Variants in RPN1 observed in about 807,000 individuals in gnomAD.
RPN1 encodes the protein dolichyl-diphosphooligosaccharide--protein glycosyltransferase subunit 1.
RPN1 carries 12 observed loss-of-function variants against 55.5 expected under a neutral mutation model. The ratio of observed to expected loss-of-function variants is 0.22; its 90% CI spans 0.14 to 0.35. The LOEUF is 0.35. Ranked by LOEUF, RPN1 falls within the 10% of genes least tolerant of loss-of-function variation. The pLI is 1.00. For missense variants in RPN1, 679 were observed against 761.3 expected (o/e 0.89, Z 1.27); for synonymous variants, 317 against 305.9 (o/e 1.04, Z -0.38).
rs751818295 is a variant in RPN1, at chr3:128,637,922, T to C, written c.510A>G (p.Thr170=). The C allele has an allele frequency of 3.1e-6, 5 of 1,614,256 alleles. No homozygotes were observed. The East Asian group carries it at 8.9e-5, about 29-fold the overall frequency. Residue 170 remains threonine (T), a synonymous_variant, in exon 3 of 10, where the codon ACA becomes ACG. Coordinates refer to ENST00000296255, the MANE Select transcript of RPN1 (RefSeq NM_002950.4). The part of the protein sequence containing the change: ...HYFYSPYPTK[T]QTMRVKLASR... ...AGGCAAGCTTCACACGCATGGTTTG[T>C]GTCTTCGTTGGATAGGGAGAGTAGA...
At chr3:128,648,440 A>C (rs1303526910) in intron 1 of RPN1, among the ~76,000 whole-genome samples, 2 of 151,904 alleles carry the variant, frequency 1.3e-5, no homozygotes, top group Non-Finnish European at 2.9e-5. Flanking sequence ...ATGCACCTGT[A>C]ATCCCAGTTA....
At chr3:128,630,977 G>A (rs1286152088) in intron 4 of RPN1, among the ~76,000 whole-genome samples, 1 of 151,908 alleles carries the variant, frequency 6.6e-6, no homozygotes, top group Admixed American at 6.6e-5. Context: ...GCTGGGCATG[G>A]TGGCGGGCGC....
At chr3:128,636,227 G>A (rs149227575) in intron 3 of RPN1, among the ~76,000 whole-genome samples, 10,831 of 152,118 alleles carry the variant, frequency 0.071, 494 homozygotes, top group Middle Eastern at 0.13. Flanking sequence ...TTGGGAGGCC[G>A]AGGCAGGCGG....
chr3:128,630,019 A>C lies in RPN1; in HGVS notation c.968T>G (p.Phe323Cys). 6.2e-7 allele frequency: 1 copy of C among 1,613,884 alleles called. No individual in the cohort carries two copies. The highest frequency in any genetic ancestry group is 8.5e-7 in the Non-Finnish European group (1 of 1,179,760). ...EMEIRPRFPLFGGWKTHYIVG... is the reference protein window; with the variant it reads ...EMEIRPRFPLCGGWKTHYIVG... ...GATGTAATGGGTCTTCCACCCGCCA[A>C]AGAGAGGGAAGCGAGGCCGGATTTC... Residue 323 changes from phenylalanine (F) to cysteine (C), a missense_variant, in exon 5 of 10, where the codon TTT becomes TGT. By Grantham distance (205) the Phe-to-Cys change is radical. Transcript: ENST00000296255.
At chr3:128,631,667 A>AGGAGGC (rs2069643015) in intron 4 of RPN1, among the ~76,000 whole-genome samples, 1 of 151,886 alleles carries the variant, frequency 6.6e-6, no homozygotes. Context: ...ACTTGAACCC[A>AGGAGGC]GGAGGCGGAG....
chr3:128,641,386 G>C (rs969700830), intron 2 of RPN1, among the ~76,000 whole-genome samples: 2 of 151,970 alleles, frequency 1.3e-5, no homozygotes, highest in African/African-American at 2.4e-5. Flanking sequence ...TCCTTAAACT[G>C]AACTCAACCC....
At position 128,643,461 on chromosome 3, in the gene RPN1, C is replaced by T. The variant is rs147636990; in HGVS notation, c.326+1458G>A. Among the ~76,000 whole-genome samples, 831 of 152,016 alleles carry T rather than the reference C, an allele frequency of 5.5e-3. 6 individuals are homozygous for T. Among genetic ancestry groups the T allele is most frequent in the African/African-American group, 0.019 (770 of 41,458 alleles). Reference sequence around the variant, plus strand: ...GGCAGATCACCTGAAGTCAGAAGTTCGAGACCAGCCTGGCCAACATGGGGA... The same window carrying T: ...GGCAGATCACCTGAAGTCAGAAGTTTGAGACCAGCCTGGCCAACATGGGGA... On this transcript the variant is annotated intron_variant, in intron 2 of 9. Coordinates refer to ENST00000296255, the MANE Select transcript of RPN1 (RefSeq NM_002950.4).
rs71153135 is a variant in RPN1 at position 128,635,690 on chromosome 3, T to TACACACACACAC, written c.633+2097_633+2108dup. ...AGATATCTATAGATATCTATAGATATACACACACACACACACACACACACA... is the reference window on the plus strand; with the variant it reads ...AGATATCTATAGATATCTATAGATATACACACACACACACACACACACACACACACACACACA... On this transcript the variant is annotated intron_variant, in intron 3 of 9. Transcript: ENST00000296255. 4.8e-3 allele frequency among the ~76,000 whole-genome samples: 663 copies of TACACACACACAC among 138,262 alleles called. 10 individuals carry two copies. Among genetic ancestry groups the TACACACACACAC allele is most frequent in the African/African-American group, 0.017 (627 of 36,744 alleles). The allele number at this position is 138,262 out of a possible 152,430, so 90.7% of individuals were successfully genotyped here. A position where few individuals can be genotyped will look rare whatever the true frequency, so the allele number is the denominator to read the frequency against.
In RPN1 at chr3:128,620,373, G is replaced by C. The variant is rs1300377664; in HGVS notation, c.*38C>G. 6.3e-7 allele frequency: 1 copy of C among 1,581,638 alleles called. No homozygotes were observed. Among genetic ancestry groups the C allele is most frequent in the Admixed American group, 1.7e-5 (1 of 57,766 alleles). On this transcript the variant is annotated 3_prime_UTR_variant, in exon 10 of 10. Coordinates refer to ENST00000296255, the MANE Select transcript of RPN1 (RefSeq NM_002950.4). ...CCCAATCTGCCTGCCACAGCAAAGT[G>C]CAGGCACCCTGGGCCCCCTGGAGGA...
chr3:128,643,038 A>G (rs945202706), intron 2 of RPN1, among the ~76,000 whole-genome samples: 1 of 151,172 alleles, frequency 6.6e-6, no homozygotes, highest in Non-Finnish European at 1.5e-5. Context: ...AAGAAAAAAG[A>G]AAAAAGGGCC....
chr3:128,633,273 T>C (rs2069654207), intron 3 of RPN1, among the ~76,000 whole-genome samples: 2 of 151,948 alleles, frequency 1.3e-5, no homozygotes, highest in Admixed American at 6.6e-5. Context: ...TCACCCAGGC[T>C]GGAGTACAGT....
Position 128,625,573 on chromosome 3 carries a change from G to A in RPN1, c.1356C>T (p.Thr452=), listed in dbSNP as rs199585668. 6.4e-5 allele frequency: 103 copies of A among 1,614,070 alleles called. No individual in the cohort carries two copies. In the East Asian group the frequency reaches 1.1e-3, roughly 17 times the overall value. ...VVAAFYILFF[T]VIIYVRLDFS... ...AGTCCAGCCGAACATAGATGATAAC[G>A]GTGAAGAACAGGATGTAGAAGGCCG... The change falls in exon 8 of 10, where the codon ACC becomes ACT. Residue 452 remains threonine (T), a synonymous_variant. Transcript: ENST00000296255.
At chr3:128,630,272 TAAAC>T (rs1287916784) in intron 4 of RPN1, 129 bp from the exon 5 acceptor site, 1 of 543,922 alleles carries the variant, frequency 1.8e-6, no homozygotes, top group East Asian at 3.1e-5. Flanking sequence ...TCCCCAAACA[TAAAC>T]AACCTAAAAA....
intron 2 of RPN1, among the ~76,000 whole-genome samples, chr3:128,641,740 C>A (rs775835390): frequency 6.6e-6 from 1 of 151,498 alleles, no homozygotes; most frequent in Non-Finnish European, 1.5e-5. Context: ...TCCCGAGTAG[C>A]TGGGGTTACA....
At position 128,640,823 on chromosome 3, in the gene RPN1, T is replaced by C. The variant is rs1158212835; in HGVS notation, c.327-2718A>G. Reference sequence around the variant, plus strand: ...TACCATGTGCCTAGACTACTGCATCTCTTCCTATTAATCTCCTAATCTCCC... The same window carrying C: ...TACCATGTGCCTAGACTACTGCATCCCTTCCTATTAATCTCCTAATCTCCC... On this transcript the variant is annotated intron_variant, in intron 2 of 9. Coordinates refer to ENST00000296255, the MANE Select transcript of RPN1 (RefSeq NM_002950.4). Among the ~76,000 whole-genome samples, 5 of 152,096 alleles carry C rather than the reference T, an allele frequency of 3.3e-5. 1 individual carries two copies. The highest frequency in any genetic ancestry group is 5.9e-5 in the Non-Finnish European group (4 of 68,026).
Position 128,625,910 on chromosome 3 carries a change from C to G in RPN1, c.1239G>C (p.Lys413Asn). 1 of 1,613,652 alleles carries G rather than the reference C, an allele frequency of 6.2e-7. No homozygotes were observed. Among genetic ancestry groups the G allele is most frequent in the Non-Finnish European group, 8.5e-7 (1 of 1,179,796 alleles). The change falls in exon 7 of 10, where the codon AAG (lysine) becomes AAC (asparagine). Residue 413 changes from lysine to asparagine, a missense_variant. Physicochemically the swap from Lys to Asn is moderately conservative, Grantham distance 94. Coordinates refer to ENST00000296255, the MANE Select transcript of RPN1 (RefSeq NM_002950.4). ...TFGRPVIVAY[K>N]KNLVEQHIQD... ...GAATGTGCTGTTCTACCAGATTTTTCTTGTAGGCAACAATCACAGGGCGGC... is the reference window on the plus strand; with the variant it reads ...GAATGTGCTGTTCTACCAGATTTTTGTTGTAGGCAACAATCACAGGGCGGC...
intron 8 of RPN1, among the ~76,000 whole-genome samples, chr3:128,624,471 C>T (rs1030223529): frequency 6.7e-6 from 1 of 149,926 alleles, no homozygotes; most frequent in African/African-American, 2.5e-5. Context: ...CAGAGCAAGA[C>T]TCCGTCTCAG....
At chr3:128,631,061 C>T (rs868721464) in intron 4 of RPN1, among the ~76,000 whole-genome samples, 8 of 147,460 alleles carry the variant, frequency 5.4e-5, no homozygotes, top group Non-Finnish European at 7.4e-5. Flanking sequence ...TGCCGTGAGC[C>T]GAGATCGTGC....
rs771154546 is a variant in RPN1, at chr3:128,637,780, G to A, written c.633+19C>T. The stretch of plus-strand genomic sequence containing the variant: ...TCTCTGAAGCAGACAGGGATGGGCT[G>A]GACTCCACCTGAGCTTACCTGACTA... On this transcript the variant is annotated intron_variant, in intron 3 of 9. Coordinates refer to ENST00000296255, the MANE Select transcript of RPN1 (RefSeq NM_002950.4). 5.0e-6 allele frequency: 8 copies of A among 1,605,534 alleles called. No individual in the cohort carries two copies. Among genetic ancestry groups the A allele is most frequent in the Non-Finnish European group, 6.8e-6 (8 of 1,174,784 alleles).
Sources: allele counts gnomAD v4.1 joint callset (sites outside exome capture counted in the v4.1 genomes callset), GRCh38; gene constraint gnomAD v4.1.1; transcripts MANE v1.5; gene names NCBI Gene and HGNC (gene_info 2026-07-23, HGNC 2026-07-21).